Variants in CSMD1 observed in about 807,000 individuals in gnomAD.
CSMD1 encodes CUB and sushi domain-containing protein 1.
Under a neutral mutation model 417.5 loss-of-function variants are expected in CSMD1, and 213 were observed. The observed-to-expected ratio is 0.51, with a 90% CI of 0.46 to 0.57. The LOEUF (loss-of-function observed/expected upper bound fraction) is 0.57, where lower values mean the gene tolerates loss of function less well. Among genes scored for constraint, CSMD1 ranks in the 20% least tolerant of loss-of-function variants. CSMD1 has a pLI of 0.00. For missense variants in CSMD1, 6,923 were observed against 4,529.7 expected (o/e 1.53, Z -15.17); for synonymous variants, 2,862 against 1,736.8 (o/e 1.65, Z -16.11).
intron 12 of CSMD1, among the ~76,000 whole-genome samples, chr8:3,423,423 T>C (rs781213982): frequency 6.6e-6 from 1 of 152,236 alleles, no homozygotes; most frequent in Non-Finnish European, 1.5e-5. Context: ...AATGGAATCA[T>C]AGGGTACACA....
intron 3 of CSMD1, among the ~76,000 whole-genome samples, chr8:4,101,995 C>T (rs577369922): frequency 2.6e-5 from 4 of 152,074 alleles, no homozygotes; most frequent in Non-Finnish European, 5.9e-5. Context: ...GGACTGGGGA[C>T]CCGGCAATAG....
At chr8:4,016,047 A>C (rs74794365) in intron 4 of CSMD1, among the ~76,000 whole-genome samples, 4,320 of 152,290 alleles carry the variant, frequency 0.028, 195 homozygotes, top group African/African-American at 0.091. Flanking sequence ...CTAAGCTCTC[A>C]GAGAATGTGA....
intron 7 of CSMD1, among the ~76,000 whole-genome samples, chr8:3,642,867 T>C (rs1389231888): frequency 6.6e-6 from 1 of 151,842 alleles, no homozygotes; most frequent in Admixed American, 6.6e-5. Context: ...ATATAGATTA[T>C]ACATATATAT....
At chr8:4,018,760 T>C (rs943738189) in intron 4 of CSMD1, among the ~76,000 whole-genome samples, 3 of 152,188 alleles carry the variant, frequency 2.0e-5, no homozygotes, top group Non-Finnish European at 4.4e-5. Flanking sequence ...ACAAGGGCCG[T>C]GGCACAGACT....
intron 3 of CSMD1, among the ~76,000 whole-genome samples, chr8:4,076,949 G>A (rs752434997): frequency 2.0e-5 from 3 of 152,046 alleles, no homozygotes; most frequent in Non-Finnish European, 2.9e-5. Context: ...CTTACACAAG[G>A]ATAACACTTT....
chr8:3,627,700 G>GCTTAAAT (rs1796563842), intron 7 of CSMD1, among the ~76,000 whole-genome samples: 1 of 152,144 alleles, frequency 6.6e-6, no homozygotes. Context: ...ACGTTTTTAT[G>GCTTAAAT]TATTACATAA....
At chr8:4,506,548 G>A (rs1235473844) in intron 2 of CSMD1, among the ~76,000 whole-genome samples, 1 of 152,136 alleles carries the variant, frequency 6.6e-6, no homozygotes, top group African/African-American at 2.4e-5. Flanking sequence ...CAGTGGAAGG[G>A]ACCTGGGTCT....
intron 5 of CSMD1, among the ~76,000 whole-genome samples, chr8:3,762,264 A>G (rs1042186571): frequency 1.1e-4 from 16 of 152,088 alleles, no homozygotes; most frequent in African/African-American, 3.9e-4. Flanking sequence ...CCTGGAGATC[A>G]GCAGAAATAT....
chr8:4,113,037 A>G (rs1413420943), intron 3 of CSMD1, among the ~76,000 whole-genome samples: 1 of 152,160 alleles, frequency 6.6e-6, no homozygotes, highest in East Asian at 1.9e-4. Flanking sequence ...TGATGGTACC[A>G]TTTAAGGTGT....
At chr8:4,553,612 A>G (rs1286587738) in intron 2 of CSMD1, among the ~76,000 whole-genome samples, 1 of 152,196 alleles carries the variant, frequency 6.6e-6, no homozygotes, top group Non-Finnish European at 1.5e-5. Context: ...CACTTTAGAA[A>G]CCAGCTTAGC....
chr8:3,396,850 A>G (rs1811732226), intron 16 of CSMD1, among the ~76,000 whole-genome samples: 1 of 152,202 alleles, frequency 6.6e-6, no homozygotes, highest in Non-Finnish European at 1.5e-5. Context: ...AAGATCATTA[A>G]AAATGTGTGA....
chr8:4,338,658 CG>C (rs1800308219), intron 3 of CSMD1, among the ~76,000 whole-genome samples: 1 of 151,872 alleles, frequency 6.6e-6, no homozygotes, highest in South Asian at 2.1e-4. Context: ...AATGTGCTCA[CG>C]GGTGAGTCAG....
At chr8:4,444,615 G>C (rs772150876) in intron 2 of CSMD1, among the ~76,000 whole-genome samples, 8 of 152,098 alleles carry the variant, frequency 5.3e-5, no homozygotes, top group Non-Finnish European at 1.0e-4. Flanking sequence ...ACAAGGGATA[G>C]ATGCCATCTG....
chr8:3,052,690 T>A (rs548919156), intron 49 of CSMD1, 43 bp from the exon 50 acceptor site: 101 of 1,400,524 alleles, frequency 7.2e-5, no homozygotes, highest in Admixed American at 3.6e-4. Context: ...CTTACAGAAA[T>A]TATTTTCCAG....
intron 3 of CSMD1, among the ~76,000 whole-genome samples, chr8:4,300,743 T>G (rs979015495): frequency 3.3e-5 from 5 of 152,298 alleles, no homozygotes; most frequent in African/African-American, 1.2e-4. Context: ...GTCCACGTGT[T>G]CTGGTTGTTC....
At chr8:4,302,868 G>C (rs992581753) in intron 3 of CSMD1, among the ~76,000 whole-genome samples, 1 of 152,034 alleles carries the variant, frequency 6.6e-6, no homozygotes, top group Non-Finnish European at 1.5e-5. Flanking sequence ...AGGACCAGCA[G>C]TTTAAATGTT....
chr8:3,971,878 T>G (rs76721841), intron 5 of CSMD1, among the ~76,000 whole-genome samples: 406 of 152,300 alleles, frequency 2.7e-3, no homozygotes, highest in African/African-American at 9.3e-3. Context: ...TTCTGTTTCT[T>G]TGTTGATTTT....
chr8:4,882,568 C>A (rs976482176), intron 1 of CSMD1, among the ~76,000 whole-genome samples: 5 of 151,770 alleles, frequency 3.3e-5, no homozygotes, highest in African/African-American at 1.2e-4. Context: ...ACCCCACTTT[C>A]CCTAAGAACA....
intron 3 of CSMD1, among the ~76,000 whole-genome samples, chr8:4,333,658 T>G (rs529538085): frequency 1.3e-5 from 2 of 152,214 alleles, no homozygotes; most frequent in African/African-American, 2.4e-5. Context: ...TGAGAACACA[T>G]CATTTTATAA....
Sources: allele counts gnomAD v4.1 joint callset (sites outside exome capture counted in the v4.1 genomes callset), GRCh38; gene constraint gnomAD v4.1.1; transcripts MANE v1.5; gene names NCBI Gene and HGNC (gene_info 2026-07-23, HGNC 2026-07-21).